Variants in MYO3B observed in about 807,000 individuals in gnomAD.
MYO3B encodes myosin IIIB, also known as myosin-IIIb.
Under a neutral mutation model 174.6 loss-of-function variants are expected in MYO3B, and 156 were observed. The ratio of observed to expected loss-of-function variants is 0.89; its 90% CI spans 0.78 to 1.02. MYO3B has a LOEUF of 1.02. Ranked by LOEUF, MYO3B falls within the 50% of genes least tolerant of loss-of-function variation. The pLI is 0.00. For missense variants in MYO3B, 1,632 were observed against 1,639.4 expected (o/e 1.00, Z 0.08); for synonymous variants, 563 against 569.1 (o/e 0.99, Z 0.15).
At chr2:170,498,482 G>A (rs558943776) in intron 25 of MYO3B, 110 bp from the exon 26 acceptor site, 229 of 710,522 alleles carry the variant, frequency 3.2e-4, no homozygotes, top group South Asian at 2.3e-3. Flanking sequence ...ATTGGTGCTC[G>A]ACAAATATTT....
At chr2:170,575,886 C>G (rs1411779756) in intron 32 of MYO3B, among the ~76,000 whole-genome samples, 3 of 152,128 alleles carry the variant, frequency 2.0e-5, no homozygotes, top group Non-Finnish European at 4.4e-5. Flanking sequence ...CCCTTTCTCC[C>G]ATTCGTATTG....
intron 7 of MYO3B, among the ~76,000 whole-genome samples, chr2:170,265,567 C>A (rs2093377234): frequency 6.6e-6 from 1 of 152,182 alleles, no homozygotes. Flanking sequence ...TGGGCCAAGA[C>A]ACAAAGTTGT....
rs537267390 is a variant in MYO3B at position 170,313,110 on chromosome 2, A to AT, written c.750-22268dup. ...GGCATTCCTGCTTTCTAAATTTGTG[A>AT]TTTTTTTGACTGTAATAAGAAATAA... On this transcript the variant is annotated intron_variant, in intron 7 of 34. Coordinates refer to ENST00000408978, the MANE Select transcript of MYO3B (RefSeq NM_138995.5). Among the ~76,000 whole-genome samples the AT allele has an allele frequency of 7.9e-5, 12 of 152,216 alleles. No individual in the cohort carries two copies. In the South Asian group the frequency reaches 1.9e-3, roughly 24 times the overall value.
intron 25 of MYO3B, among the ~76,000 whole-genome samples, chr2:170,491,213 G>A (rs72880123): frequency 0.1 from 15,843 of 151,986 alleles, 1,267 homozygotes; most frequent in East Asian, 0.4. Context: ...TACTGCTTTA[G>A]CAATCAAATC....
intron 16 of MYO3B, among the ~76,000 whole-genome samples, chr2:170,398,409 AC>A (rs1322956801): frequency 6.6e-6 from 1 of 152,100 alleles, no homozygotes; most frequent in Non-Finnish European, 1.5e-5. Flanking sequence ...AGGGGTTTTT[AC>A]GGAGGTTCCA....
At chr2:170,378,863 G>A (rs2094313674) in intron 9 of MYO3B, among the ~76,000 whole-genome samples, 1 of 152,088 alleles carries the variant, frequency 6.6e-6, no homozygotes, top group Non-Finnish European at 1.5e-5. Flanking sequence ...AGGAGTTACT[G>A]AAGGAAAAAA....
intron 32 of MYO3B, among the ~76,000 whole-genome samples, chr2:170,641,862 GGGGGGGGGGGA>G (rs1697984654): frequency 1.1e-5 from 1 of 90,864 alleles, no homozygotes; most frequent in Non-Finnish European, 2.2e-5. Flanking sequence ...GTTAAGTGGG[GGGGGGGGGGGA>G]GGGGCGGGGA....
At chr2:170,591,064 G>A (rs1470041762) in intron 32 of MYO3B, among the ~76,000 whole-genome samples, 3 of 152,022 alleles carry the variant, frequency 2.0e-5, no homozygotes, top group Non-Finnish European at 4.4e-5. Flanking sequence ...TATCAAAGTG[G>A]GCCTTTGGAT....
chr2:170,325,614 G>A (rs553987407), intron 7 of MYO3B, among the ~76,000 whole-genome samples: 1 of 152,320 alleles, frequency 6.6e-6, no homozygotes, highest in African/African-American at 2.4e-5. Context: ...GAGAAGTGAT[G>A]TATGCAGATG....
chr2:170,529,360 G>GT (rs201479353), intron 30 of MYO3B, among the ~76,000 whole-genome samples: 38 of 146,708 alleles, frequency 2.6e-4, no homozygotes, highest in Admixed American at 3.4e-4. Flanking sequence ...TAAAATAAAA[G>GT]TTAAAAAAAA....
chr2:170,369,790 A>T (rs565039993), intron 9 of MYO3B, among the ~76,000 whole-genome samples: 1 of 152,084 alleles, frequency 6.6e-6, no homozygotes, highest in Non-Finnish European at 1.5e-5. Context: ...AAGAGCAGTA[A>T]TGCAGGCTGT....
chr2:170,219,156 TC>T (rs2092863388), intron 6 of MYO3B, among the ~76,000 whole-genome samples: 1 of 152,186 alleles, frequency 6.6e-6, no homozygotes, highest in Non-Finnish European at 1.5e-5. Flanking sequence ...TGGGAAACAT[TC>T]CCTAATCCCT....
At chr2:170,442,763 T>C (rs1175796005) in intron 22 of MYO3B, among the ~76,000 whole-genome samples, 1 of 152,210 alleles carries the variant, frequency 6.6e-6, no homozygotes, top group Non-Finnish European at 1.5e-5. Context: ...TTTGGTTTTC[T>C]GTCCTTGCGA....
chr2:170,235,180 G>A (rs1357449546), intron 6 of MYO3B, among the ~76,000 whole-genome samples: 2 of 152,168 alleles, frequency 1.3e-5, no homozygotes, highest in East Asian at 3.9e-4. Flanking sequence ...GGTCATCCTG[G>A]TGGCAGATTT....
chr2:170,336,723 A>C (rs1412996965), intron 8 of MYO3B, among the ~76,000 whole-genome samples: 1 of 152,222 alleles, frequency 6.6e-6, no homozygotes, highest in Non-Finnish European at 1.5e-5. Context: ...CAGTAAATGT[A>C]CCAGTTTACC....
At position 170,361,542 on chromosome 2, in the gene MYO3B, A is replaced by G. The variant is rs138236294; in HGVS notation, c.816-7680A>G. Among the ~76,000 whole-genome samples the G allele has an allele frequency of 8.1e-3, 1,239 of 152,342 alleles. 8 individuals are homozygous for G. Among genetic ancestry groups the G allele is most frequent in the African/African-American group, 0.025 (1,052 of 41,578 alleles). ...GCAACCTTATCCCCATTCTTTGTCA[A>G]ATGCCGTAGGACAGTTTGAAAGCGT... On this transcript the variant is annotated intron_variant, in intron 8 of 34. Coordinates refer to ENST00000408978, the MANE Select transcript of MYO3B (RefSeq NM_138995.5).
chr2:170,335,560 G>A, intron 8 of MYO3B, 110 bp downstream of exon 8: 1 of 809,040 alleles, frequency 1.2e-6, no homozygotes, highest in East Asian at 2.6e-5. Flanking sequence ...ATGCCTGTTA[G>A]CACGTTATGA....
chr2:170,647,018 C>A, intron 32 of MYO3B: 2 of 838,388 alleles, frequency 2.4e-6, no homozygotes, highest in Non-Finnish European at 3.6e-6. Flanking sequence ...TCATATGGAA[C>A]GTTTTACTTT....
chr2:170,384,657 C>G (rs1431374211), intron 12 of MYO3B, among the ~76,000 whole-genome samples: 1 of 152,134 alleles, frequency 6.6e-6, no homozygotes, highest in Non-Finnish European at 1.5e-5. Context: ...GTAAAATGTC[C>G]ATAGATTTCA....
Sources: allele counts gnomAD v4.1 joint callset (sites outside exome capture counted in the v4.1 genomes callset), GRCh38; gene constraint gnomAD v4.1.1; transcripts MANE v1.5; gene names NCBI Gene and HGNC (gene_info 2026-07-23, HGNC 2026-07-21).